The following RAD51B variants were observed in gnomAD, a reference collection of about 807,000 sequenced individuals.
RAD51B encodes the protein DNA repair protein RAD51 homolog 2.
A neutral mutation model predicts 42.2 loss-of-function variants in RAD51B; 38 were observed. That is an observed-to-expected ratio of 0.90 (90% CI 0.70 to 1.18). The LOEUF (loss-of-function observed/expected upper bound fraction) is 1.18. Among genes scored for constraint, RAD51B ranks in the 50% most tolerant of loss-of-function variants. RAD51B has a pLI of 0.00. For synonymous variants in RAD51B, 154 were observed against 145.2 expected (o/e 1.06, Z -0.43); for missense variants, 373 against 400.7 (o/e 0.93, Z 0.59).
At chr14:67,839,303 T>G (rs915462530) in intron 4 of RAD51B, among the ~76,000 whole-genome samples, 1 of 152,182 alleles carries the variant, frequency 6.6e-6, no homozygotes, top group African/African-American at 2.4e-5. Flanking sequence ...AAAAATTGTC[T>G]GATCTTGATA....
chr14:68,467,033 C>T (rs775933079), intron 9 of RAD51B, among the ~76,000 whole-genome samples: 39 of 152,204 alleles, frequency 2.6e-4, no homozygotes, highest in Non-Finnish European at 3.8e-4. Flanking sequence ...TTCCTTCTCT[C>T]TTGCCTCCCT....
intron 11 of RAD51B, among the ~76,000 whole-genome samples, chr14:68,680,772 A>C (rs1566971276): frequency 6.6e-6 from 1 of 152,130 alleles, no homozygotes; most frequent in South Asian, 2.1e-4. Context: ...TTCCTTCAAT[A>C]AACTGTGATT....
chr14:67,968,993 G>C (rs1372160727), intron 7 of RAD51B, among the ~76,000 whole-genome samples: 2 of 152,156 alleles, frequency 1.3e-5, no homozygotes, highest in Non-Finnish European at 2.9e-5. Flanking sequence ...GAGGTGAAAG[G>C]CACTTCTTAC....
At chr14:68,387,934 G>A (rs764714460) in intron 8 of RAD51B, among the ~76,000 whole-genome samples, 3 of 151,866 alleles carry the variant, frequency 2.0e-5, no homozygotes, top group Admixed American at 1.3e-4. Flanking sequence ...TTGATTACAC[G>A]TTGAAATGAT....
chr14:68,496,995 A>T, intron 10 of RAD51B: 1 of 868,538 alleles, frequency 1.2e-6, no homozygotes, highest in Non-Finnish European at 1.6e-6. Flanking sequence ...TGGAACAAAC[A>T]GAATGGGGGC....
At chr14:68,670,099 A>G (rs1219975911) in intron 11 of RAD51B, among the ~76,000 whole-genome samples, 1 of 152,180 alleles carries the variant, frequency 6.6e-6, no homozygotes, top group Non-Finnish European at 1.5e-5. Context: ...AACCGTCCCG[A>G]TGACTTTATT....
chr14:68,129,440 T>C (rs1473623157), intron 7 of RAD51B, among the ~76,000 whole-genome samples: 1 of 152,164 alleles, frequency 6.6e-6, no homozygotes, highest in Non-Finnish European at 1.5e-5. Context: ...AACTGCTACA[T>C]TGTACCTAGT....
intron 7 of RAD51B, among the ~76,000 whole-genome samples, chr14:68,075,350 T>A (rs941923963): frequency 3.3e-5 from 5 of 152,076 alleles, no homozygotes. Context: ...ACCACTGCAG[T>A]GGTACTGGCA....
chr14:67,924,504 T>A (rs757177502), intron 7 of RAD51B, among the ~76,000 whole-genome samples: 12 of 152,202 alleles, frequency 7.9e-5, no homozygotes, highest in Non-Finnish European at 1.3e-4. Context: ...TAGTTCCACA[T>A]GGCTGGGGAA....
intron 7 of RAD51B, among the ~76,000 whole-genome samples, chr14:67,903,557 C>T (rs758739918): frequency 1.2e-4 from 18 of 152,090 alleles, no homozygotes; most frequent in Non-Finnish European, 4.4e-5. Flanking sequence ...GTGGCAGATA[C>T]TGTTAGTTGC....
intron 7 of RAD51B, among the ~76,000 whole-genome samples, chr14:68,054,858 G>A (rs1260973898): frequency 6.6e-6 from 1 of 152,112 alleles, no homozygotes; most frequent in Non-Finnish European, 1.5e-5. Context: ...TTGGTCTTGG[G>A]GACTGAGCCC....
chr14:68,443,210 T>C (rs1255141240), intron 9 of RAD51B, among the ~76,000 whole-genome samples: 1 of 152,232 alleles, frequency 6.6e-6, no homozygotes. Context: ...GTTGAAAGTA[T>C]TTTTCCTGTG....
intron 9 of RAD51B, among the ~76,000 whole-genome samples, chr14:68,450,992 G>C (rs2085545094): frequency 6.6e-6 from 1 of 152,134 alleles, no homozygotes; most frequent in Non-Finnish European, 1.5e-5. Context: ...TCAGCACAGG[G>C]AATGCCTCAT....
intron 7 of RAD51B, among the ~76,000 whole-genome samples, chr14:67,986,995 G>C (rs532588688): frequency 2.0e-5 from 3 of 152,222 alleles, no homozygotes; most frequent in Non-Finnish European, 1.5e-5. Context: ...GCCTCCCAGT[G>C]TGCTGGGTTT....
At chr14:68,174,569 A>T (rs1175037560) in intron 7 of RAD51B, among the ~76,000 whole-genome samples, 1 of 152,146 alleles carries the variant, frequency 6.6e-6, no homozygotes, top group African/African-American at 2.4e-5. Context: ...GATAGGATAC[A>T]TTGGAAATAC....
intron 9 of RAD51B, among the ~76,000 whole-genome samples, chr14:68,447,623 C>T (rs906795207): frequency 2.0e-5 from 3 of 151,656 alleles, no homozygotes; most frequent in African/African-American, 7.3e-5. Flanking sequence ...GCTTTTCTGG[C>T]TTATAAGGCT....
At chr14:68,520,001 C>T (rs1432946524) in intron 10 of RAD51B, among the ~76,000 whole-genome samples, 6 of 152,188 alleles carry the variant, frequency 3.9e-5, no homozygotes, top group Admixed American at 2.0e-4. Context: ...TTGTTTTGCA[C>T]CTGCCTGAGG....
At chr14:68,002,858 G>T (rs1468316116) in intron 7 of RAD51B, among the ~76,000 whole-genome samples, 1 of 152,082 alleles carries the variant, frequency 6.6e-6, no homozygotes, top group Non-Finnish European at 1.5e-5. Flanking sequence ...TCTTATTCCT[G>T]GGTTCTCTAT....
At chr14:68,081,489 C>T (rs2076911144) in intron 7 of RAD51B, among the ~76,000 whole-genome samples, 1 of 152,174 alleles carries the variant, frequency 6.6e-6, no homozygotes, top group South Asian at 2.1e-4. Flanking sequence ...TATTTTATGG[C>T]ATTTAAGTTT....
Sources: allele counts gnomAD v4.1 joint callset (sites outside exome capture counted in the v4.1 genomes callset), GRCh38; gene constraint gnomAD v4.1.1; transcripts MANE v1.5; gene names NCBI Gene and HGNC (gene_info 2026-07-23, HGNC 2026-07-21).